The following FH variants were observed in gnomAD, a reference collection of about 807,000 sequenced individuals.
FH encodes the protein fumarate hydratase, mitochondrial.
Under a neutral mutation model 49.4 loss-of-function variants are expected in FH, and 22 were observed. The ratio of observed to expected loss-of-function variants is 0.45; its 90% confidence interval spans 0.32 to 0.64. The LOEUF (loss-of-function observed/expected upper bound fraction) is 0.64, where lower values mean the gene tolerates loss of function less well. Ranked by LOEUF, FH falls within the 30% of genes least tolerant of loss-of-function variation. The pLI, the probability that FH is intolerant of heterozygous loss-of-function variation, is 0.05. For missense variants in FH, 526 were observed against 641.5 expected (o/e 0.82, Z 1.95); for synonymous variants, 208 against 223.0 (o/e 0.93, Z 0.60).
intron 7 of FH, among the ~76,000 whole-genome samples, chr1:241,503,511 G>A (rs1180321031): frequency 2.0e-5 from 3 of 152,150 alleles, no homozygotes; most frequent in Non-Finnish European, 4.4e-5. Context: ...TTGAAGGGCA[G>A]AGCCCTTCAG....
In FH at chr1:241,497,954, T is replaced by C; in HGVS notation, c.1407A>G (p.Ala469=). 6.2e-7 allele frequency: 1 copy of C among 1,614,094 alleles called. No individual in the cohort carries two copies. The highest frequency in any genetic ancestry group is 8.5e-7 in the Non-Finnish European group (1 of 1,179,992). Residue 469 remains alanine, a synonymous_variant, in exon 10 of 10, where the codon GCA becomes GCG. Transcript: ENST00000366560. ...LNPHIGYDKA[A]KIAKTAHKNG... The stretch of plus-strand genomic sequence containing the variant: ...TTTTGTGTGCTGTCTTAGCAATCTT[T>C]GCTGCCTTGTCATACCCTGAAGAAA...
chr1:241,509,671 G>A (rs953304285), intron 4 of FH, among the ~76,000 whole-genome samples: 11 of 152,016 alleles, frequency 7.2e-5, no homozygotes, highest in African/African-American at 2.4e-4. Context: ...ACTTGCTCAG[G>A]AAGCTAAGGC....
intron 9 of FH, among the ~76,000 whole-genome samples, chr1:241,499,212 G>GCTCA (rs1164383695): frequency 1.3e-5 from 2 of 152,086 alleles, no homozygotes; most frequent in Non-Finnish European, 2.9e-5. Context: ...GGGTTGTAAG[G>GCTCA]CTCACACCAA....
intron 5 of FH, 66 bp from the exon 6 acceptor site, chr1:241,506,234 G>T: frequency 1.7e-6 from 2 of 1,207,578 alleles, no homozygotes; most frequent in Non-Finnish European, 2.4e-6. Flanking sequence ...TACTCTAACT[G>T]CATTAAATAG....
At position 241,497,698 on chromosome 1, in the gene FH, G is replaced by T; in HGVS notation, c.*130C>A. ...AGCACATCCTAGGGTTTTATATACT[G>T]ATCAAATTGCTCTGCTAGAGATGCT... On this transcript the variant is annotated 3_prime_UTR_variant, in exon 10 of 10. Transcript: ENST00000366560. 1 of 760,734 alleles carries T rather than the reference G, an allele frequency of 1.3e-6. No individual in the cohort carries two copies. The highest frequency in any genetic ancestry group is 2.1e-6 in the Non-Finnish European group (1 of 466,154). 47.1% of individuals were successfully genotyped at this position (760,734 alleles called of 1,614,324 possible).
Position 241,519,627 on chromosome 1 carries a change from G to A in FH, c.96C>T (p.Ala32=), listed in dbSNP as rs750087000. The A allele has an allele frequency of 6.5e-7, 1 of 1,547,826 alleles. No homozygotes were observed. The highest frequency in any genetic ancestry group is 8.7e-7 in the Non-Finnish European group (1 of 1,146,494). Residue 32 remains alanine (A), a synonymous_variant, in exon 1 of 10, where the codon GCC becomes GCT. Coordinates refer to ENST00000366560, the MANE Select transcript of FH (RefSeq NM_000143.4). ...LASAPGLGGA[A]VPSFWPPNAA... ...CGTTCGGAGGCCAAAACGAGGGCAC[G>A]GCCGCGCCACCCAAGCCGGGAGCCG...
chr1:241,517,455 C>A, intron 1 of FH, 139 bp from the exon 2 acceptor site: 1 of 888,208 alleles, frequency 1.1e-6, no homozygotes, highest in East Asian at 2.6e-5. Flanking sequence ...GATTCTCATT[C>A]TCTTCCTCAC....
At position 241,513,676 on chromosome 1, in the gene FH, G is replaced by A. The variant is rs61753295; in HGVS notation, c.305C>T (p.Ala102Val). The A allele has an allele frequency of 2.2e-5, 35 of 1,613,882 alleles. No individual in the cohort carries two copies. The highest frequency in any genetic ancestry group is 6.7e-5 in the East Asian group (3 of 44,894). ...ATAATCCTGGTTTACTTCAGCGGCC[G>A]CTCGCTTCAAGATGCCAAAAGCTTT... ...VIKAFGILKR[A>V]AAEVNQDYGL... The change falls in exon 3 of 10, where the codon GCG (alanine) becomes GTG (valine). Residue 102 changes from alanine (A) to valine (V), a missense_variant. This residue lies in a region of FH where 383 missense variants were observed against 514.0 expected (regional missense o/e 0.75). Transcript: ENST00000366560.
chr1:241,516,799 C>T (rs1183134476), intron 2 of FH, among the ~76,000 whole-genome samples: 6 of 152,020 alleles, frequency 3.9e-5, no homozygotes, highest in South Asian at 4.2e-4. Flanking sequence ...ACTACAGGCG[C>T]GCGCCACCGT....
At chr1:241,514,748 CAATTTT>C (rs1263682393) in intron 2 of FH, among the ~76,000 whole-genome samples, 3 of 152,148 alleles carry the variant, frequency 2.0e-5, no homozygotes, top group African/African-American at 7.2e-5. Context: ...TTTGAAATTT[CAATTTT>C]AAGTAACTAA....
At chr1:241,506,707 G>A (rs2147918087) in intron 5 of FH, among the ~76,000 whole-genome samples, 1 of 152,284 alleles carries the variant, frequency 6.6e-6, no homozygotes, top group African/African-American at 2.4e-5. Context: ...GCACAGGAAG[G>A]TAACAGTTTG....
intron 4 of FH, among the ~76,000 whole-genome samples, chr1:241,509,894 A>G (rs1660039460): frequency 6.6e-6 from 1 of 152,126 alleles, no homozygotes; most frequent in Admixed American, 6.6e-5. Context: ...ATATATTTTG[A>G]CGTTTACTAT....
intron 2 of FH, among the ~76,000 whole-genome samples, chr1:241,515,771 A>C (rs746221250): frequency 6.6e-6 from 1 of 152,298 alleles, no homozygotes; most frequent in Middle Eastern, 3.4e-3. Flanking sequence ...TGCATTTCTC[A>C]ATTCTTTTCA....
In FH at chr1:241,513,632, C is replaced by T; in HGVS notation, c.349G>A (p.Ala117Thr). The T allele has an allele frequency of 6.2e-7, 1 of 1,614,052 alleles. No homozygotes were observed. Among genetic ancestry groups the T allele is most frequent in the South Asian group, 1.1e-5 (1 of 91,078 alleles). Residue 117 changes from alanine (A) to threonine (T), a missense_variant, in exon 3 of 10, where the codon GCT becomes ACT. Ala to Thr is a moderately conservative substitution (Grantham distance 58). Transcript: ENST00000366560. ...TCTGCTGCCTTCATTATTGCATTAGCAATCTTTGGATCAAGACCATAATCC... is the reference window on the plus strand; with the variant it reads ...TCTGCTGCCTTCATTATTGCATTAGTAATCTTTGGATCAAGACCATAATCC... Reference protein sequence around the residue: ...NQDYGLDPKIANAIMKAADEV... With the variant: ...NQDYGLDPKITNAIMKAADEV...
At chr1:241,502,320 T>C (rs911420888) in intron 8 of FH, 123 bp downstream of exon 8, 29 of 1,071,058 alleles carry the variant, frequency 2.7e-5, no homozygotes, top group Non-Finnish European at 3.8e-5. Flanking sequence ...AATGCTTGAC[T>C]TCCAACTGCT....
intron 1 of FH, 95 bp downstream of exon 1, chr1:241,519,496 G>A (rs1308041251): frequency 4.2e-6 from 6 of 1,429,902 alleles, no homozygotes; most frequent in Non-Finnish European, 5.6e-6. Context: ...GGACGCCCGG[G>A]GAATCTCTCC....
At chr1:241,519,235 A>T in intron 1 of FH, 1 of 257,414 alleles carries the variant, frequency 3.9e-6, no homozygotes, top group East Asian at 1.2e-4. Context: ...CCTTGAGGGC[A>T]GCGCCCCGGG....
intron 2 of FH, among the ~76,000 whole-genome samples, chr1:241,514,819 G>C (rs544801893): frequency 1.3e-5 from 2 of 152,250 alleles, no homozygotes; most frequent in South Asian, 4.1e-4. Flanking sequence ...ATGGCACACA[G>C]GATTAGAAAC....
chr1:241,500,963 C>G (rs1659765238), intron 8 of FH, among the ~76,000 whole-genome samples: 1 of 152,006 alleles, frequency 6.6e-6, no homozygotes, highest in Non-Finnish European at 1.5e-5. Context: ...AGGACTTGGC[C>G]AGAGAAGGAA....
Sources: gnomAD v4.1 joint callset for allele counts (sites outside exome capture counted in the v4.1 genomes callset) on GRCh38, gnomAD v4.1.1 for gene constraint, gnomAD v4.1.1 regional missense constraint, MANE v1.5 for transcripts, NCBI Gene and HGNC (gene_info 2026-07-23, HGNC 2026-07-21) for gene names.